The following CHCHD3 variants were observed in gnomAD, a reference collection of about 807,000 sequenced individuals.
The protein encoded by CHCHD3 is MICOS complex subunit MIC19.
CHCHD3 carries 20 observed loss-of-function variants against 38.2 expected under a neutral mutation model. That is an observed-to-expected ratio of 0.52 (90% confidence interval 0.37 to 0.76). The LOEUF (loss-of-function observed/expected upper bound fraction) is 0.76, where lower values mean the gene tolerates loss of function less well. Ranked by LOEUF, CHCHD3 falls within the 30% of genes least tolerant of loss-of-function variation. The pLI, the probability that CHCHD3 is intolerant of heterozygous loss-of-function variation, is 0.00. For synonymous variants in CHCHD3, 82 were observed against 100.0 expected (o/e 0.82, Z 1.07); for missense variants, 245 against 279.2 (o/e 0.88, Z 0.87).
chr7:132,973,650 G>A (rs891047691), intron 4 of CHCHD3: 24 of 1,017,988 alleles, frequency 2.4e-5, no homozygotes, highest in Middle Eastern at 4.9e-4. Context: ...CCATGCAACC[G>A]GGACCCCAGA....
At chr7:133,063,539 C>T (rs915994448) in intron 2 of CHCHD3, among the ~76,000 whole-genome samples, 2 of 152,070 alleles carry the variant, frequency 1.3e-5, no homozygotes, top group East Asian at 1.9e-4. Flanking sequence ...GGGCCAATTA[C>T]GGACAAACAA....
intron 4 of CHCHD3, among the ~76,000 whole-genome samples, chr7:132,890,605 T>C (rs1223581652): frequency 2.0e-5 from 3 of 152,224 alleles, no homozygotes; most frequent in African/African-American, 7.2e-5. Flanking sequence ...AAAGCTTGTA[T>C]ATTTTAAATG....
At chr7:132,981,163 G>GTTT (rs372506290) in intron 3 of CHCHD3, among the ~76,000 whole-genome samples, 1 of 143,168 alleles carries the variant, frequency 7.0e-6, no homozygotes, top group Non-Finnish European at 1.5e-5. Context: ...TTTTTGGGTT[G>GTTT]TTTTTTTTTT....
intron 7 of CHCHD3, among the ~76,000 whole-genome samples, chr7:132,793,357 C>A (rs377408547): frequency 1.1e-4 from 16 of 152,224 alleles, no homozygotes; most frequent in African/African-American, 3.6e-4. Context: ...AATCGATGTG[C>A]TCCTTCCTTT....
At chr7:132,929,132 C>G (rs1426369400) in intron 4 of CHCHD3, among the ~76,000 whole-genome samples, 1 of 152,116 alleles carries the variant, frequency 6.6e-6, no homozygotes. Flanking sequence ...CTGGCTTTTC[C>G]CTTTTCCTCT....
rs5887603 is a variant in CHCHD3 at position 132,965,059 on chromosome 7, A to ATGTGTGTGTGTGTGTG, written c.369+10094_369+10109dup. Reference sequence around the variant, plus strand: ...GTAGGCTCATAATGCTATGGGTTTTATGTGTGTGTGTGTGTGTGTGTGTGT... The same window carrying ATGTGTGTGTGTGTGTG: ...GTAGGCTCATAATGCTATGGGTTTTATGTGTGTGTGTGTGTGTGTGTGTGTGTGTGTGTGTGTGTGT... On this transcript the variant is annotated intron_variant, in intron 4 of 7. Coordinates refer to ENST00000262570, the MANE Select transcript of CHCHD3 (RefSeq NM_017812.4). Among the ~76,000 whole-genome samples the ATGTGTGTGTGTGTGTG allele has an allele frequency of 9.7e-3, 1,441 of 148,532 alleles. 7 individuals carry two copies. The highest frequency in any genetic ancestry group is 0.014 in the Non-Finnish European group (973 of 67,112).
intron 4 of CHCHD3, among the ~76,000 whole-genome samples, chr7:132,942,488 G>A (rs1278930887): frequency 2.6e-5 from 4 of 152,126 alleles, no homozygotes; most frequent in Admixed American, 6.5e-5. Context: ...TAAGAAAGAA[G>A]AAAATTACTC....
At chr7:133,009,166 C>T (rs1812789561) in intron 3 of CHCHD3, among the ~76,000 whole-genome samples, 1 of 151,826 alleles carries the variant, frequency 6.6e-6, no homozygotes, top group African/African-American at 2.4e-5. Context: ...GAGCTTGAGA[C>T]CAGCCTGGCC....
At chr7:133,080,094 G>A (rs1007221566) in intron 1 of CHCHD3, among the ~76,000 whole-genome samples, 4 of 152,172 alleles carry the variant, frequency 2.6e-5, no homozygotes, top group Non-Finnish European at 5.9e-5. Flanking sequence ...TTGAAGCAAT[G>A]GAGACCAGCG....
intron 6 of CHCHD3, among the ~76,000 whole-genome samples, chr7:132,822,898 C>T (rs889921257): frequency 6.6e-6 from 1 of 152,062 alleles, no homozygotes; most frequent in African/African-American, 2.4e-5. Flanking sequence ...TAGAGGACTA[C>T]AGACCAATCC....
chr7:133,056,285 T>C (rs1814330769), intron 2 of CHCHD3, among the ~76,000 whole-genome samples: 1 of 152,122 alleles, frequency 6.6e-6, no homozygotes, highest in South Asian at 2.1e-4. Context: ...ATATAACTAG[T>C]TATAATTCAC....
chr7:132,936,271 AC>A (rs1402115530), intron 4 of CHCHD3, among the ~76,000 whole-genome samples: 1 of 152,218 alleles, frequency 6.6e-6, no homozygotes, highest in African/African-American at 2.4e-5. Context: ...ATGATAAAGT[AC>A]TAAAGAACAG....
At chr7:132,979,247 C>G (rs1254159050) in intron 3 of CHCHD3, among the ~76,000 whole-genome samples, 1 of 152,098 alleles carries the variant, frequency 6.6e-6, no homozygotes, top group Non-Finnish European at 1.5e-5. Context: ...TATTATCTCC[C>G]AGCTTGATAC....
Position 132,963,145 on chromosome 7 carries a change from TAA to T in CHCHD3, c.369+12022_369+12023del, listed in dbSNP as rs71681912. ...TGCTCAATTGATCCCCTCCCCCAAA[TAA>T]AAAAAAAAATATATATATATATAAT... On this transcript the variant is annotated intron_variant, in intron 4 of 7. Coordinates refer to ENST00000262570, the MANE Select transcript of CHCHD3 (RefSeq NM_017812.4). 3.2e-4 allele frequency among the ~76,000 whole-genome samples: 44 copies of T among 139,268 alleles called. 1 individual carries two copies. The highest frequency in any genetic ancestry group is 1.0e-3 in the African/African-American group (40 of 38,874). 91.4% of individuals were successfully genotyped at this position (139,268 alleles called of 152,430 possible).
chr7:132,833,878 G>T (rs1478639210), intron 6 of CHCHD3, among the ~76,000 whole-genome samples: 1 of 152,100 alleles, frequency 6.6e-6, no homozygotes, highest in Non-Finnish European at 1.5e-5. Flanking sequence ...CCCTGATCAG[G>T]TATATAATAT....
intron 6 of CHCHD3, among the ~76,000 whole-genome samples, chr7:132,816,834 A>G (rs903242452): frequency 1.3e-5 from 2 of 152,172 alleles, no homozygotes; most frequent in South Asian, 4.1e-4. Context: ...TTTTCATTCT[A>G]TTGCTTGAGA....
chr7:133,049,958 G>A (rs893161684), intron 2 of CHCHD3, among the ~76,000 whole-genome samples: 8 of 152,088 alleles, frequency 5.3e-5, no homozygotes, highest in Non-Finnish European at 8.8e-5. Context: ...CTCTGATACC[G>A]ACGGTATCTT....
intron 3 of CHCHD3, among the ~76,000 whole-genome samples, chr7:133,023,662 G>T (rs1390016510): frequency 6.6e-6 from 1 of 152,168 alleles, no homozygotes; most frequent in Non-Finnish European, 1.5e-5. Context: ...CTTTATCTTA[G>T]ATTAAAATGT....
chr7:132,973,772 A>G, intron 4 of CHCHD3: 1 of 1,066,240 alleles, frequency 9.4e-7, no homozygotes, highest in East Asian at 8.6e-5. Flanking sequence ...AGAATGGGAG[A>G]GACTAGAAAT....
Sources: allele counts gnomAD v4.1 joint callset (sites outside exome capture counted in the v4.1 genomes callset), GRCh38; gene constraint gnomAD v4.1.1; transcripts MANE v1.5; gene names NCBI Gene and HGNC (gene_info 2026-07-23, HGNC 2026-07-21).